Variants in SV2C observed in about 807,000 individuals in gnomAD.
SV2C encodes the protein solute carrier family 22 member B3.
A neutral mutation model predicts 79.7 loss-of-function variants in SV2C; 49 were observed. The observed-to-expected ratio is 0.61, with a 90% CI of 0.49 to 0.78. The LOEUF is 0.78. Among genes scored for constraint, SV2C ranks in the 30% least tolerant of loss-of-function variants. SV2C has a pLI of 0.00. For missense variants in SV2C, 833 were observed against 912.9 expected (o/e 0.91, Z 1.13); for synonymous variants, 334 against 333.2 (o/e 1.00, Z -0.03).
chr5:76,278,817 G>C (rs1345407243), intron 4 of SV2C, among the ~76,000 whole-genome samples: 1 of 152,246 alleles, frequency 6.6e-6, no homozygotes, highest in East Asian at 1.9e-4. Flanking sequence ...AGGCTTTCAA[G>C]TGACAGAGTG....
chr5:75,883,911 T>C, the SV2C span, among the ~76,000 whole-genome samples: 1 of 151,832 alleles, frequency 6.6e-6, no homozygotes, highest in Non-Finnish European at 1.5e-5. Flanking sequence ...AACTGGGAAA[T>C]AGAACTAACT....
At chr5:75,850,295 A>G in the SV2C span, among the ~76,000 whole-genome samples, 36 of 152,310 alleles carry the variant, frequency 2.4e-4, no homozygotes, top group South Asian at 7.5e-3. Flanking sequence ...TAAAATGTAT[A>G]CACACACCGT....
chr5:75,867,291 C>T, the SV2C span, among the ~76,000 whole-genome samples: 1 of 152,130 alleles, frequency 6.6e-6, no homozygotes, highest in Non-Finnish European at 1.5e-5. Context: ...GTGTGTTCTT[C>T]AGTAGCAGAT....
the SV2C span, among the ~76,000 whole-genome samples, chr5:75,880,640 A>G: frequency 1.6e-4 from 25 of 152,306 alleles, no homozygotes; most frequent in African/African-American, 6.0e-4. Flanking sequence ...TATCACTATC[A>G]GCATTTTGGT....
chr5:76,301,010 T>C, intron 11 of SV2C, 78 bp downstream of exon 11: 2 of 1,477,948 alleles, frequency 1.4e-6, no homozygotes, highest in African/African-American at 1.4e-5. Flanking sequence ...TGTACTCCCA[T>C]CTATTAGGGA....
At chr5:76,151,897 C>T (rs989476142) in intron 2 of SV2C, among the ~76,000 whole-genome samples, 1 of 152,134 alleles carries the variant, frequency 6.6e-6, no homozygotes, top group South Asian at 2.1e-4. Context: ...GGAAATGGCT[C>T]CTGGGGCCTC....
chr5:76,148,629 AT>A (rs761498836), intron 2 of SV2C, among the ~76,000 whole-genome samples: 28 of 152,010 alleles, frequency 1.8e-4, no homozygotes, highest in Non-Finnish European at 2.9e-4. Flanking sequence ...TTTTAAAAAA[AT>A]TTTTGTAGAG....
chr5:76,244,971 C>T (rs1253085312), intron 4 of SV2C, among the ~76,000 whole-genome samples: 1 of 152,206 alleles, frequency 6.6e-6, no homozygotes, highest in African/African-American at 2.4e-5. Context: ...TGCCTTTGTA[C>T]ACAACCTCTT....
chr5:76,349,836 A>G (rs758217781), intron 12 of SV2C, among the ~76,000 whole-genome samples: 1 of 152,154 alleles, frequency 6.6e-6, no homozygotes, highest in Non-Finnish European at 1.5e-5. Flanking sequence ...ATGCTGGGCC[A>G]TCAATGGCTA....
At chr5:75,972,907 G>T in the SV2C span, among the ~76,000 whole-genome samples, 1 of 152,044 alleles carries the variant, frequency 6.6e-6, no homozygotes, top group African/African-American at 2.4e-5. Flanking sequence ...ATTCACAATA[G>T]CAAAGACTTG....
chr5:75,854,402 TGTATG>T, the SV2C span, among the ~76,000 whole-genome samples: 12 of 152,292 alleles, frequency 7.9e-5, no homozygotes, highest in Non-Finnish European at 1.3e-4. Flanking sequence ...ATGTCTGAGT[TGTATG>T]GTAAATGTAT....
the SV2C span, among the ~76,000 whole-genome samples, chr5:75,937,045 T>C: frequency 1.5e-5 from 2 of 137,470 alleles, no homozygotes; most frequent in Non-Finnish European, 3.1e-5. Flanking sequence ...CCTCTCTTTC[T>C]GTCACACTGG....
At chr5:76,286,420 T>C (rs1014481301) in intron 6 of SV2C, among the ~76,000 whole-genome samples, 7 of 152,088 alleles carry the variant, frequency 4.6e-5, no homozygotes, top group Non-Finnish European at 1.0e-4. Context: ...CATAACATTT[T>C]CTCTAAGATG....
chr5:76,174,360 A>G (rs1743456546), intron 2 of SV2C, among the ~76,000 whole-genome samples: 1 of 152,336 alleles, frequency 6.6e-6, no homozygotes, highest in Admixed American at 6.5e-5. Context: ...GGTTTTCTCA[A>G]TCCTATTTTA....
chr5:76,132,374 T>C, intron 2 of SV2C, 44 bp downstream of exon 2: 1 of 1,532,762 alleles, frequency 6.5e-7, no homozygotes, highest in Non-Finnish European at 8.9e-7. Flanking sequence ...AACTGGCTTA[T>C]TTGTTAAGCA....
rs113018893 is a variant in SV2C at position 76,237,740 on chromosome 5, T to C, written c.913+27853T>C. The stretch of plus-strand genomic sequence containing the variant: ...TGGAAATCATTCTACCTCAGAATGT[T>C]TGAAGATATTGCCCACTGTCATCTA... On this transcript the variant is annotated intron_variant, in intron 4 of 12. Coordinates refer to ENST00000502798, the MANE Select transcript of SV2C (RefSeq NM_014979.4). Among the ~76,000 whole-genome samples, 8 of 152,268 alleles carry C rather than the reference T, an allele frequency of 5.3e-5. 1 individual carries two copies. The highest frequency in any genetic ancestry group is 1.9e-4 in the African/African-American group (8 of 41,560).
chr5:76,256,407 A>G (rs919376361), intron 4 of SV2C, among the ~76,000 whole-genome samples: 25 of 152,162 alleles, frequency 1.6e-4, no homozygotes, highest in Non-Finnish European at 2.9e-4. Flanking sequence ...TCATCAGGGA[A>G]GAGGCTTTTA....
chr5:76,220,133 A>G (rs75055749), intron 4 of SV2C, among the ~76,000 whole-genome samples: 17,625 of 152,288 alleles, frequency 0.12, 1,230 homozygotes, highest in African/African-American at 0.19. Flanking sequence ...TCCCAAAATA[A>G]TGTTTTTATA....
the SV2C span, among the ~76,000 whole-genome samples, chr5:76,010,628 A>G: frequency 6.6e-6 from 1 of 152,158 alleles, no homozygotes; most frequent in Admixed American, 6.6e-5. Context: ...AGTTATTCCA[A>G]TGACATTAAA....
Sources: gnomAD v4.1 joint callset for allele counts (sites outside exome capture counted in the v4.1 genomes callset) on GRCh38, gnomAD v4.1.1 for gene constraint, MANE v1.5 for transcripts, NCBI Gene and HGNC (gene_info 2026-07-23, HGNC 2026-07-21) for gene names.